The following GKAP1 variants were observed in gnomAD, a reference collection of about 807,000 sequenced individuals.
GKAP1 encodes the protein G kinase anchoring protein 1, also known as G kinase-anchoring protein 1.
In GKAP1, 31 loss-of-function variants were observed where a neutral mutation model predicts 56.7. The ratio of observed to expected loss-of-function variants is 0.55; its 90% CI spans 0.41 to 0.74. The LOEUF (loss-of-function observed/expected upper bound fraction) is 0.74, where lower values mean the gene tolerates loss of function less well. Ranked by LOEUF, GKAP1 falls within the 30% of genes least tolerant of loss-of-function variation. The pLI is 0.00. For missense variants in GKAP1, 364 were observed against 402.3 expected, an observed-to-expected ratio of 0.90 and a Z score of 0.82; for synonymous variants, 151 against 138.6, an observed-to-expected ratio of 1.09 and a Z score of -0.63.
intron 3 of GKAP1, among the ~76,000 whole-genome samples, chr9:83,804,449 G>A (rs1170654099): frequency 3.8e-5 from 5 of 132,190 alleles, no homozygotes; most frequent in South Asian, 2.5e-4. Context: ...GGTGAGGGGC[G>A]CCTCTGCCCG....
Position 83,739,725 on chromosome 9 carries a change from C to A in GKAP1, c.1073G>T (p.Arg358Ile). The A allele has an allele frequency of 6.2e-7, 1 of 1,603,446 alleles. No individual in the cohort carries two copies. The highest frequency in any genetic ancestry group is 8.5e-7 in the Non-Finnish European group (1 of 1,174,760). Residue 358 changes from arginine to isoleucine, a missense_variant, in exon 13 of 13, where the codon AGA (arginine) becomes ATA (isoleucine). Coordinates refer to ENST00000376371, the MANE Select transcript of GKAP1 (RefSeq NM_025211.4). The part of the protein sequence containing the change: ...AKYQGGRKGK[R>I]NSESDQCR ...CCTACACTGGTCGGATTCAGAGTTT[C>A]TTTTCCCTTTTCTGCCACCCTGTAA...
intron 4 of GKAP1, among the ~76,000 whole-genome samples, chr9:83,791,892 A>T (rs1480998443): frequency 6.6e-6 from 1 of 152,250 alleles, no homozygotes; most frequent in Non-Finnish European, 1.5e-5. Context: ...CAATTTGGAT[A>T]GGCAGAAATA....
At chr9:83,751,691 T>A (rs1234689682) in intron 9 of GKAP1, among the ~76,000 whole-genome samples, 1 of 151,676 alleles carries the variant, frequency 6.6e-6, no homozygotes, top group Admixed American at 6.6e-5. Flanking sequence ...CAATAAATAA[T>A]TGTTGAGTGA....
intron 8 of GKAP1, among the ~76,000 whole-genome samples, chr9:83,765,267 G>C (rs1405786073): frequency 2.0e-5 from 3 of 152,226 alleles, no homozygotes; most frequent in Non-Finnish European, 4.4e-5. Context: ...GTGCACAGAA[G>C]AGAAGGACTG....
At chr9:83,768,722 A>G (rs943951351) in intron 8 of GKAP1, 96 bp downstream of exon 8, 21 of 1,020,332 alleles carry the variant, frequency 2.1e-5, no homozygotes, top group Middle Eastern at 3.1e-4. Context: ...ACTACTTTAT[A>G]CAATCATAAT....
At chr9:83,769,073 T>A (rs1315565161) in intron 7 of GKAP1, 103 bp from the exon 8 acceptor site, 26 of 785,062 alleles carry the variant, frequency 3.3e-5, no homozygotes, top group Admixed American at 5.2e-5. Flanking sequence ...GTACACCTAG[T>A]CAACCACTAG....
At chr9:83,815,484 C>A (rs530295399) in intron 2 of GKAP1, among the ~76,000 whole-genome samples, 6 of 151,754 alleles carry the variant, frequency 4.0e-5, no homozygotes, top group African/African-American at 1.5e-4. Flanking sequence ...GCCATTATGA[C>A]CTTATCCCTC....
At chr9:83,778,766 T>C (rs943580356) in intron 7 of GKAP1, among the ~76,000 whole-genome samples, 9 of 151,522 alleles carry the variant, frequency 5.9e-5, no homozygotes, top group African/African-American at 2.2e-4. Context: ...CTTAATATAG[T>C]TGTAAGGGAA....
intron 9 of GKAP1, among the ~76,000 whole-genome samples, chr9:83,751,393 G>A (rs1943386704): frequency 6.6e-6 from 1 of 151,990 alleles, no homozygotes; most frequent in Non-Finnish European, 1.5e-5. Context: ...ATCCTACATT[G>A]TACTGCAACT....
chr9:83,751,000 T>TA lies in GKAP1; in HGVS notation c.840+2257dup. Among the ~76,000 whole-genome samples the TA allele has an allele frequency of 2.0e-5, 3 of 152,168 alleles. No individual in the cohort carries two copies. The South Asian group carries it at 6.2e-4, about 32-fold the overall frequency. On this transcript the variant is annotated intron_variant, in intron 9 of 12. Transcript: ENST00000376371. Reference sequence around the variant, plus strand: ...ACAGGCGCGTGCCACCAAGCCCGGCTAATTTTTCATATTTTTAGTAGAGAC... The same window carrying TA: ...ACAGGCGCGTGCCACCAAGCCCGGCTAAATTTTTCATATTTTTAGTAGAGAC...
At chr9:83,771,983 C>T (rs1587710141) in intron 7 of GKAP1, among the ~76,000 whole-genome samples, 1 of 29,928 alleles carries the variant, frequency 3.3e-5, no homozygotes, top group Non-Finnish European at 8.9e-5. Context: ...TTGAGTGAGG[C>T]CACAAAGTTT....
chr9:83,766,540 G>A (rs1360069078), intron 8 of GKAP1, among the ~76,000 whole-genome samples: 3 of 152,158 alleles, frequency 2.0e-5, no homozygotes, highest in Admixed American at 2.0e-4. Context: ...CTGCATTAGA[G>A]TAAAAAGTTC....
At chr9:83,803,782 G>A (rs1484304305) in intron 3 of GKAP1, among the ~76,000 whole-genome samples, 7 of 149,760 alleles carry the variant, frequency 4.7e-5, no homozygotes, top group South Asian at 2.1e-4. Flanking sequence ...GTCTCTGCCC[G>A]GCCGCCATCC....
chr9:83,756,099 C>T (rs1052931795), intron 8 of GKAP1, among the ~76,000 whole-genome samples: 2 of 152,110 alleles, frequency 1.3e-5, no homozygotes, highest in South Asian at 4.1e-4. Flanking sequence ...CCCACCGCAC[C>T]CAGCCAAACT....
rs1369725997 is a variant in GKAP1 at position 83,799,013 on chromosome 9, TTTTG to T, written c.360+168_360+171del. Among the ~76,000 whole-genome samples the T allele has an allele frequency of 2.0e-4, 30 of 152,340 alleles. 1 individual carries two copies. The highest frequency in any genetic ancestry group is 7.0e-4 in the African/African-American group (29 of 41,582). On this transcript the variant is annotated intron_variant, in intron 4 of 12. Coordinates refer to ENST00000376371, the MANE Select transcript of GKAP1 (RefSeq NM_025211.4). The stretch of plus-strand genomic sequence containing the variant: ...CTAACATAAACAACAAATGTATCAC[TTTTG>T]TTTTTCAGTAGATCAAAAACAGAAC...
chr9:83,779,474 CAT>C lies in GKAP1; in HGVS notation c.585+906_585+907del, dbSNP rs1564201501. ...ACACACACACACACACGCACATATA[CAT>C]ATACATACATATATACACATATACA... is the stretch of plus-strand genomic sequence containing the variant. On this transcript the variant is annotated intron_variant, in intron 7 of 12. Transcript: ENST00000376371. 1.0e-4 allele frequency among the ~76,000 whole-genome samples: 14 copies of C among 136,486 alleles called. 2 individuals are homozygous for C. Among genetic ancestry groups the C allele is most frequent in the African/African-American group, 3.9e-4 (14 of 36,064 alleles). The allele number at this position is 136,486 out of a possible 152,430, so 89.5% of individuals were successfully genotyped here.
In GKAP1 at chr9:83,748,392, G is replaced by C. The variant is rs988897117; in HGVS notation, c.841-20C>G. 1.4e-6 allele frequency: 2 copies of C among 1,419,760 alleles called. No individual in the cohort carries two copies. Among genetic ancestry groups the C allele is most frequent in the African/African-American group, 1.4e-5 (1 of 69,182 alleles). 87.9% of individuals were successfully genotyped at this position (1,419,760 alleles called of 1,614,324 possible). ...CTTTGCCTAATAGTCAAAGAAAAAAGATTTAGTTTTTTTAAAAGTAAGTGA... is the reference window on the plus strand; with the variant it reads ...CTTTGCCTAATAGTCAAAGAAAAAACATTTAGTTTTTTTAAAAGTAAGTGA... On this transcript the variant is annotated intron_variant, in intron 9 of 12. Transcript: ENST00000376371.
At chr9:83,804,781 G>T (rs1379837735) in intron 3 of GKAP1, among the ~76,000 whole-genome samples, 1 of 145,552 alleles carries the variant, frequency 6.9e-6, no homozygotes, top group African/African-American at 2.6e-5. Context: ...GCCTCTGCCC[G>T]GCCGCCCCTA....
intron 8 of GKAP1, among the ~76,000 whole-genome samples, chr9:83,766,784 G>A (rs1290183200): frequency 6.6e-6 from 1 of 152,168 alleles, no homozygotes; most frequent in Non-Finnish European, 1.5e-5. Flanking sequence ...TGAGACTATG[G>A]CAAAAGTTAC....
Sources: allele counts gnomAD v4.1 joint callset (sites outside exome capture counted in the v4.1 genomes callset), GRCh38; gene constraint gnomAD v4.1.1; transcripts MANE v1.5; gene names NCBI Gene and HGNC (gene_info 2026-07-23, HGNC 2026-07-21).